STK24: variants seen among roughly 807,000 people sequenced by gnomAD.
The protein encoded by STK24 is serine/threonine kinase 24.
STK24 carries 21 observed loss-of-function variants against 55.6 expected under a neutral mutation model. The observed-to-expected ratio is 0.38, with a 90% CI of 0.27 to 0.54. The LOEUF (loss-of-function observed/expected upper bound fraction) is 0.54, where lower values mean the gene tolerates loss of function less well. Ranked by LOEUF, STK24 falls within the 20% of genes least tolerant of loss-of-function variation. STK24 has a pLI of 0.79. For synonymous variants in STK24, 200 were observed against 215.2 expected, an observed-to-expected ratio of 0.93 and a Z score of 0.62; for missense variants, 383 against 538.4, an observed-to-expected ratio of 0.71 and a Z score of 2.86.
At chr13:98,485,221 G>A (rs1894759533) in intron 2 of STK24, among the ~76,000 whole-genome samples, 1 of 152,238 alleles carries the variant, frequency 6.6e-6, no homozygotes, top group Non-Finnish European at 1.5e-5. Context: ...CTGTGCAGGA[G>A]ACCAGAGTTT....
At chr13:98,468,891 C>T (rs902219037) in intron 5 of STK24, among the ~76,000 whole-genome samples, 1 of 152,216 alleles carries the variant, frequency 6.6e-6, no homozygotes. Context: ...TTATTAACTA[C>T]GGTCACCCTA....
chr13:98,505,287 C>T (rs148958539), intron 2 of STK24, among the ~76,000 whole-genome samples: 1 of 152,362 alleles, frequency 6.6e-6, no homozygotes, highest in African/African-American at 2.4e-5. Flanking sequence ...AGATCCACTG[C>T]TACTTTTAAC....
chr13:98,456,224 G>A (rs1267081798), intron 10 of STK24: 8 of 316,504 alleles, frequency 2.5e-5, no homozygotes, highest in Non-Finnish European at 2.5e-5. Flanking sequence ...CAGGACAGTA[G>A]GCAGCCCCTT....
intron 2 of STK24, among the ~76,000 whole-genome samples, chr13:98,488,150 A>G (rs1024377773): frequency 1.5e-5 from 2 of 132,166 alleles, no homozygotes; most frequent in African/African-American, 2.9e-5. Context: ...GTGTCATAAA[A>G]AGAGATGAAG....
chr13:98,477,033 A>C (rs1036378324), intron 3 of STK24, among the ~76,000 whole-genome samples: 1 of 152,236 alleles, frequency 6.6e-6, no homozygotes, highest in African/African-American at 2.4e-5. Context: ...AATTCCAATT[A>C]AGATATTGTC....
rs928394432 is a variant in STK24, at chr13:98,496,075, T to C, written c.274-13754A>G. On this transcript the variant is annotated intron_variant, in intron 2 of 10. Transcript: ENST00000539966. ...AAATGGCAAAGGAAGCCTTGGTGCA[T>C]GGCTGCCCTACACTCATGCGGGAGG... 5.3e-5 allele frequency among the ~76,000 whole-genome samples: 8 copies of C among 152,174 alleles called. 1 individual carries two copies. Among genetic ancestry groups the C allele is most frequent in the African/African-American group, 1.9e-4 (8 of 41,442 alleles).
chr13:98,494,762 T>C (rs569129715), intron 2 of STK24, among the ~76,000 whole-genome samples: 4 of 152,338 alleles, frequency 2.6e-5, no homozygotes, highest in African/African-American at 9.6e-5. Flanking sequence ...TGATTTATAA[T>C]AAGTTTGTTA....
At chr13:98,559,017 A>G (rs1480327151) in intron 1 of STK24, among the ~76,000 whole-genome samples, 1 of 148,714 alleles carries the variant, frequency 6.7e-6, no homozygotes, top group Non-Finnish European at 1.5e-5. Flanking sequence ...AAAAAAAAAA[A>G]AAAAAAAAAA....
At chr13:98,559,173 CA>C (rs199650765) in intron 1 of STK24, among the ~76,000 whole-genome samples, 1 of 150,084 alleles carries the variant, frequency 6.7e-6, no homozygotes. Context: ...AACTCCGTCT[CA>C]AAAAAAAAGA....
At chr13:98,511,901 ATTTT>A (rs10641055) in intron 2 of STK24, among the ~76,000 whole-genome samples, 16 of 141,204 alleles carry the variant, frequency 1.1e-4, no homozygotes, top group African/African-American at 4.2e-4. Context: ...TTTTACAGTA[ATTTT>A]TTTTTTTTTT....
rs1043140332 is a variant in STK24 at position 98,448,877 on chromosome 13, A to G, written c.*4296T>C. 4 of 152,264 alleles carry G rather than the reference A, an allele frequency of 2.6e-5. No homozygotes were observed. The highest frequency in any genetic ancestry group is 5.9e-5 in the Non-Finnish European group (4 of 68,170). The allele number at this position is 152,264 out of a possible 1,614,324, so 9.4% of individuals were successfully genotyped here. ...GACTCACTTCTCTGATTAATAAGCAATTTGCAGCACACAGCGTTCCACTGC... is the reference window on the plus strand; with the variant it reads ...GACTCACTTCTCTGATTAATAAGCAGTTTGCAGCACACAGCGTTCCACTGC... On this transcript the variant is annotated 3_prime_UTR_variant, in exon 11 of 11. Coordinates refer to ENST00000539966, the MANE Select transcript of STK24 (RefSeq NM_001032296.4).
intron 2 of STK24, among the ~76,000 whole-genome samples, chr13:98,515,522 T>TG (rs1213647373): frequency 7.0e-6 from 1 of 142,644 alleles, no homozygotes; most frequent in African/African-American, 2.6e-5. Context: ...ATTGGGGGGG[T>TG]GGGGGGATTC....
chr13:98,552,364 C>G (rs1944003170), intron 1 of STK24, among the ~76,000 whole-genome samples: 1 of 152,022 alleles, frequency 6.6e-6, no homozygotes, highest in South Asian at 2.1e-4. Context: ...GTGTGGTCAG[C>G]AAGGTGGGGA....
intron 2 of STK24, among the ~76,000 whole-genome samples, chr13:98,506,381 A>C (rs1895680186): frequency 6.6e-6 from 1 of 152,200 alleles, no homozygotes; most frequent in Non-Finnish European, 1.5e-5. Context: ...GAACAAATGG[A>C]ATCACCGCCC....
intron 3 of STK24, 74 bp from the exon 4 acceptor site, chr13:98,475,432 C>T: frequency 4.8e-6 from 5 of 1,048,802 alleles, no homozygotes; most frequent in South Asian, 3.0e-5. Context: ...AACAGAAACA[C>T]TATCCATGTT....
At chr13:98,550,309 G>A (rs541580506) in intron 1 of STK24, among the ~76,000 whole-genome samples, 1 of 152,140 alleles carries the variant, frequency 6.6e-6, no homozygotes, top group East Asian at 1.9e-4. Context: ...GAGGTCAAGG[G>A]GGGAAGATCG....
chr13:98,559,128 T>C (rs1020004698), intron 1 of STK24, among the ~76,000 whole-genome samples: 8 of 151,130 alleles, frequency 5.3e-5, no homozygotes, highest in Non-Finnish European at 1.5e-5. Flanking sequence ...AGGTGGAGGT[T>C]GCACCATTGC....
At chr13:98,484,388 C>A (rs906763294) in intron 2 of STK24, among the ~76,000 whole-genome samples, 1 of 152,198 alleles carries the variant, frequency 6.6e-6, no homozygotes, top group African/African-American at 2.4e-5. Context: ...GCTCCCATCC[C>A]TTCTATTTTC....
At chr13:98,524,243 C>T (rs367855111) in intron 1 of STK24, among the ~76,000 whole-genome samples, 2 of 152,070 alleles carry the variant, frequency 1.3e-5, no homozygotes, top group Admixed American at 6.5e-5. Flanking sequence ...CCCCACCCCC[C>T]GAGACTTTGC....
Sources: allele counts gnomAD v4.1 joint callset (sites outside exome capture counted in the v4.1 genomes callset), GRCh38; gene constraint gnomAD v4.1.1; transcripts MANE v1.5; gene names NCBI Gene and HGNC (gene_info 2026-07-23, HGNC 2026-07-21).